KLF13: variants seen among roughly 807,000 people sequenced by gnomAD.
The protein encoded by KLF13 is Krueppel-like factor 13.
KLF13 carries 8 observed loss-of-function variants against 16.7 expected under a neutral mutation model. The ratio of observed to expected loss-of-function variants is 0.48; its 90% CI spans 0.28 to 0.87. The LOEUF (loss-of-function observed/expected upper bound fraction) is 0.87. Ranked by LOEUF, KLF13 falls within the 40% of genes least tolerant of loss-of-function variation. The pLI, the probability that KLF13 is intolerant of heterozygous loss-of-function variation, is 0.10. For synonymous variants in KLF13, 245 were observed against 208.4 expected (o/e 1.18, Z -1.51); for missense variants, 447 against 452.2 (o/e 0.99, Z 0.10).
intron 1 of KLF13, among the ~76,000 whole-genome samples, chr15:31,352,048 G>A (rs542940194): frequency 1.3e-5 from 2 of 151,788 alleles, no homozygotes; most frequent in South Asian, 4.2e-4. Context: ...GTTTTGCAGT[G>A]AACAGAAGTC....
At chr15:31,332,967 C>G (rs965731726) in intron 1 of KLF13, among the ~76,000 whole-genome samples, 2 of 152,186 alleles carry the variant, frequency 1.3e-5, no homozygotes, top group Non-Finnish European at 2.9e-5. Flanking sequence ...ATAATGAACA[C>G]TCTAGCAGGG....
intron 2 of KLF13, among the ~76,000 whole-genome samples, chr15:31,398,722 C>T (rs561936941): frequency 6.6e-6 from 1 of 152,114 alleles, no homozygotes; most frequent in African/African-American, 2.4e-5. Flanking sequence ...AAAGATCAAG[C>T]AGGAGGCCAA....
At chr15:31,378,297 C>T (rs2039681443), downstream of KLF13, among the ~76,000 whole-genome samples, 1 of 152,178 alleles carries the variant, frequency 6.6e-6, no homozygotes, top group Non-Finnish European at 1.5e-5. Context: ...GCGCTGCTTG[C>T]CTCACCCCTC....
intron 1 of KLF13, among the ~76,000 whole-genome samples, chr15:31,366,862 A>T (rs1041189930): frequency 5.6e-5 from 8 of 142,920 alleles, no homozygotes; most frequent in African/African-American, 2.1e-4. Flanking sequence ...CAGAGGGGCC[A>T]TGAGATCAAA....
chr15:31,409,924 A>G (rs1353867334), intron 1 of KLF13, among the ~76,000 whole-genome samples: 1 of 152,202 alleles, frequency 6.6e-6, no homozygotes, highest in African/African-American at 2.4e-5. Context: ...AGAATCTTGA[A>G]TTTACAGAAA....
At chr15:31,329,552 G>A (rs1211776819) in intron 1 of KLF13, among the ~76,000 whole-genome samples, 1 of 152,182 alleles carries the variant, frequency 6.6e-6, no homozygotes, top group Non-Finnish European at 1.5e-5. Context: ...GCCTTGGGAT[G>A]TCTTCCTGGT....
chr15:31,348,675 T>G (rs1278077488), intron 1 of KLF13, among the ~76,000 whole-genome samples: 2 of 152,046 alleles, frequency 1.3e-5, no homozygotes, highest in Non-Finnish European at 2.9e-5. Flanking sequence ...TGGGCTCCAG[T>G]GGGGTGTCTC....
intron 1 of KLF13, among the ~76,000 whole-genome samples, chr15:31,425,777 T>C (rs1029470250): frequency 2.0e-5 from 3 of 152,174 alleles, no homozygotes; most frequent in African/African-American, 7.2e-5. Flanking sequence ...CTTGGGAGGC[T>C]GAGGCAGGAG....
chr15:31,412,919 G>T (rs1479692744), intron 1 of KLF13, among the ~76,000 whole-genome samples: 2 of 152,182 alleles, frequency 1.3e-5, no homozygotes, highest in Non-Finnish European at 2.9e-5. Context: ...CAGAACTGAG[G>T]AACAAGACAG....
chr15:31,421,278 A>C (rs2040319125), intron 1 of KLF13, among the ~76,000 whole-genome samples: 1 of 152,224 alleles, frequency 6.6e-6, no homozygotes, highest in Non-Finnish European at 1.5e-5. Context: ...GGAGTTCTTC[A>C]AGTTGAAACA....
At chr15:31,353,732 A>G (rs1024408490) in intron 1 of KLF13, among the ~76,000 whole-genome samples, 3 of 152,128 alleles carry the variant, frequency 2.0e-5, no homozygotes, top group African/African-American at 7.2e-5. Flanking sequence ...CAGAGTTCCA[A>G]CAGTGAGCTG....
intron 1 of KLF13, among the ~76,000 whole-genome samples, chr15:31,335,932 C>T (rs1183516652): frequency 1.3e-5 from 2 of 152,264 alleles, no homozygotes; most frequent in African/African-American, 2.4e-5. Flanking sequence ...GCATGTGGCT[C>T]AGAGCCTACC....
At chr15:31,339,009 T>C (rs2038979752) in intron 1 of KLF13, among the ~76,000 whole-genome samples, 1 of 152,092 alleles carries the variant, frequency 6.6e-6, no homozygotes, top group Non-Finnish European at 1.5e-5. Context: ...TGGGAGACAC[T>C]GTGGGGGAGG....
chr15:31,428,747 G>A (rs1022023043), intron 1 of KLF13, among the ~76,000 whole-genome samples: 10 of 133,426 alleles, frequency 7.5e-5, no homozygotes, highest in Non-Finnish European at 1.5e-4. Context: ...GGCTTGCAGT[G>A]AGCCGAGATC....
chr15:31,350,403 T>G (rs1028775115), intron 1 of KLF13, among the ~76,000 whole-genome samples: 1 of 152,230 alleles, frequency 6.6e-6, no homozygotes, highest in African/African-American at 2.4e-5. Flanking sequence ...GCTGAGCAGG[T>G]GGACACCTGT....
intron 1 of KLF13, among the ~76,000 whole-genome samples, chr15:31,332,599 GC>G (rs1167693667): frequency 6.6e-6 from 1 of 152,218 alleles, no homozygotes; most frequent in African/African-American, 2.4e-5. Flanking sequence ...TGTGTCTGGG[GC>G]TTCACATGTC....
chr15:31,396,275 G>A (rs764463521), intron 2 of KLF13, among the ~76,000 whole-genome samples: 17 of 152,122 alleles, frequency 1.1e-4, no homozygotes, highest in Non-Finnish European at 1.6e-4. Flanking sequence ...TGCCCACTTC[G>A]GCCTCCCAAA....
intron 1 of KLF13, among the ~76,000 whole-genome samples, chr15:31,332,501 C>T (rs2038850103): frequency 6.6e-6 from 1 of 152,136 alleles, no homozygotes; most frequent in African/African-American, 2.4e-5. Context: ...GCGCCATCTC[C>T]ACTCCCCCCT....
chr15:31,357,749 G>A (rs1406980595), intron 1 of KLF13, among the ~76,000 whole-genome samples: 1 of 152,200 alleles, frequency 6.6e-6, no homozygotes, highest in African/African-American at 2.4e-5. Flanking sequence ...TCTGTAAGGT[G>A]AGGAAAGACC....
Sources: allele counts gnomAD v4.1 joint callset (sites outside exome capture counted in the v4.1 genomes callset), GRCh38; gene constraint gnomAD v4.1.1; transcripts MANE v1.5; gene names NCBI Gene and HGNC (gene_info 2026-07-23, HGNC 2026-07-21).